Variants in PELO observed in about 807,000 individuals in gnomAD.
PELO encodes pelota mRNA surveillance and ribosome rescue factor.
PELO carries 19 observed loss-of-function variants against 25.9 expected under a neutral mutation model. The observed-to-expected ratio is 0.73, with a 90% CI of 0.51 to 1.08. PELO has a LOEUF of 1.08. Ranked by LOEUF, PELO falls within the 50% of genes least tolerant of loss-of-function variation. The pLI, the probability that PELO is intolerant of heterozygous loss-of-function variation, is 0.00. For synonymous variants in PELO, 196 were observed against 192.2 expected, an observed-to-expected ratio of 1.02 and a Z score of -0.16; for missense variants, 498 against 491.4, an observed-to-expected ratio of 1.01 and a Z score of -0.13.
intron 1 of PELO, among the ~76,000 whole-genome samples, chr5:52,798,311 A>G (rs1187214244): frequency 6.6e-6 from 1 of 152,126 alleles, no homozygotes; most frequent in Non-Finnish European, 1.5e-5. Flanking sequence ...CGAGAAACAA[A>G]GAGAAAAGAG....
chr5:52,790,340 C>T (rs1236194022), intron 1 of PELO, among the ~76,000 whole-genome samples: 3 of 152,222 alleles, frequency 2.0e-5, no homozygotes, highest in Non-Finnish European at 4.4e-5. Flanking sequence ...TCTCTATCTC[C>T]TACTACTCCT....
In PELO at chr5:52,800,639, G is replaced by C. The variant is rs1286068879; in HGVS notation, c.245G>C (p.Arg82Pro). 1 of 1,614,092 alleles carries C rather than the reference G, an allele frequency of 6.2e-7. No individual in the cohort carries two copies. The highest frequency in any genetic ancestry group is 8.5e-7 in the Non-Finnish European group (1 of 1,179,982). The change falls in exon 2 of 3, where the codon CGG becomes CCG. Residue 82 changes from arginine to proline, a missense_variant. Transcript: ENST00000274311. Reference sequence around the variant, plus strand: ...TTCGACTCTCAAGCCTGCCAGCTGCGGGTTAAGGGGACCAACATCCAAGAG... The same window carrying C: ...TTCGACTCTCAAGCCTGCCAGCTGCCGGTTAAGGGGACCAACATCCAAGAG... ...IDFDSQACQL[R>P]VKGTNIQENE...
chr5:52,801,115 C>G lies in PELO; in HGVS notation c.721C>G (p.Leu241Val). Residue 241 changes from leucine to valine, a missense_variant, in exon 2 of 3, where the codon CTT (leucine) becomes GTT (valine). Transcript: ENST00000274311. ...KLLLENRSKFLQVHASSGHKY... is the reference protein window; with the variant it reads ...KLLLENRSKFVQVHASSGHKY... ...GCTCCTGGAAAACCGGTCCAAATTT[C>G]TTCAGGTAAAACAATCTTACCCAGG... The G allele has an allele frequency of 6.3e-7, 1 of 1,598,508 alleles. No homozygotes were observed. The highest frequency in any genetic ancestry group is 8.5e-7 in the Non-Finnish European group (1 of 1,171,194).
Position 52,801,959 on chromosome 5 carries a change from T to G in PELO, c.*119T>G. On this transcript the variant is annotated 3_prime_UTR_variant, in exon 3 of 3. Transcript: ENST00000274311. ...ACTTTTTGATTCATACAGGGATTTC[T>G]TATGTCTTTGGCTACACTAGATATT... The G allele has an allele frequency of 1.4e-6, 1 of 701,128 alleles. No individual in the cohort carries two copies. Among genetic ancestry groups the G allele is most frequent in the South Asian group, 2.0e-5 (1 of 50,216 alleles). 43.4% of individuals were successfully genotyped at this position (701,128 alleles called of 1,614,324 possible). A position where few individuals can be genotyped will look rare whatever the true frequency, so the allele number is the denominator to read the frequency against.
In PELO at chr5:52,801,756, GTTGA is replaced by G. The variant is rs1561212434; in HGVS notation, c.1075_1078del (p.Thr360GlyfsTer2). On this transcript the variant is annotated frameshift_variant, in exon 3 of 3. Transcript: ENST00000274311. LOFTEE classifies it high-confidence loss of function. ...ACGTTTCTGGGGAACAGCTCAGCCA[GTTGA>G]CTGGGGTAGCTGCCATTCTCCGCTT... 6.2e-7 allele frequency: 1 copy of G among 1,614,024 alleles called. No homozygotes were observed. The highest frequency in any genetic ancestry group is 8.5e-7 in the Non-Finnish European group (1 of 1,179,996).
chr5:52,795,022 A>G (rs1748314261), intron 1 of PELO, among the ~76,000 whole-genome samples: 1 of 152,038 alleles, frequency 6.6e-6, no homozygotes, highest in Non-Finnish European at 1.5e-5. Flanking sequence ...GCTTATACAA[A>G]CTTACCTTAA....
At chr5:52,792,420 TG>T (rs1469468735) in intron 1 of PELO, among the ~76,000 whole-genome samples, 2 of 152,210 alleles carry the variant, frequency 1.3e-5, no homozygotes, top group African/African-American at 4.8e-5. Context: ...ACGGGATTTT[TG>T]TTTGTTTAGT....
intron 1 of PELO, among the ~76,000 whole-genome samples, chr5:52,794,804 T>G (rs563471603): frequency 2.9e-4 from 44 of 152,108 alleles, no homozygotes; most frequent in African/African-American, 1.0e-3. Context: ...GCACATTCTC[T>G]CTAAATAAAC....
At position 52,801,041 on chromosome 5, in the gene PELO, A is replaced by G. The variant is rs1236645916; in HGVS notation, c.647A>G (p.Gln216Arg). Residue 216 changes from glutamine to arginine, a missense_variant, in exon 2 of 3, where the codon CAG becomes CGG. Gln to Arg is a conservative substitution (Grantham distance 43, BLOSUM62 1). Transcript: ENST00000274311. ...GCCAGCCCAGGATTTGTGAGGGAGC[A>G]GTTCTGCGACTACCTGTTTCAACAA... ...LVASPGFVRE[Q>R]FCDYLFQQAV... 3 of 1,614,104 alleles carry G rather than the reference A, an allele frequency of 1.9e-6. No homozygotes were observed. The highest frequency in any genetic ancestry group is 2.5e-6 in the Non-Finnish European group (3 of 1,179,974).
chr5:52,800,734 A>G lies in PELO; in HGVS notation c.340A>G (p.Lys114Glu). The G allele has an allele frequency of 6.2e-7, 1 of 1,614,236 alleles. No homozygotes were observed. Among genetic ancestry groups the G allele is most frequent in the East Asian group, 2.2e-5 (1 of 44,880 alleles). Residue 114 changes from lysine (K) to glutamate (E), a missense_variant, in exon 2 of 3, where the codon AAG (lysine) becomes GAG (glutamate). Lys to Glu is a moderately conservative substitution (Grantham distance 56). Transcript: ENST00000274311. ...LEPNRQFTLA[K>E]KQWDSVVLER... is the part of the protein sequence containing the mutation. Reference sequence around the variant, plus strand: ...GCCCAACCGCCAGTTCACCCTGGCCAAGAAGCAGTGGGATAGTGTGGTACT... The same window carrying G: ...GCCCAACCGCCAGTTCACCCTGGCCGAGAAGCAGTGGGATAGTGTGGTACT...
intron 1 of PELO, among the ~76,000 whole-genome samples, chr5:52,794,338 T>C (rs1748298028): frequency 6.6e-6 from 1 of 151,976 alleles, no homozygotes; most frequent in South Asian, 2.1e-4. Flanking sequence ...TAAATGTACT[T>C]TCAAAATTAT....
chr5:52,797,138 G>A (rs1010539862), intron 1 of PELO, among the ~76,000 whole-genome samples: 2 of 151,542 alleles, frequency 1.3e-5, no homozygotes, highest in Admixed American at 6.6e-5. Context: ...ACAAAATCTG[G>A]GTGAAAACAT....
intron 1 of PELO, among the ~76,000 whole-genome samples, chr5:52,795,488 A>T (rs999332435): frequency 6.6e-6 from 1 of 152,062 alleles, no homozygotes; most frequent in Admixed American, 6.5e-5. Context: ...TTCATGTCAT[A>T]CAAACCATTT....
rs117834432 is a variant in PELO, at chr5:52,790,585, G to A, written c.-511+2171G>A. 1.3e-3 allele frequency among the ~76,000 whole-genome samples: 204 copies of A among 152,216 alleles called. No individual in the cohort carries two copies. The East Asian group carries it at 0.02, about 15-fold the overall frequency. On this transcript the variant is annotated intron_variant, in intron 1 of 2. Coordinates refer to ENST00000274311, the MANE Select transcript of PELO (RefSeq NM_015946.5). ...GTGGCCCCTTTCTCCATCTTCAACC[G>A]AGCAGGGTAGAATCTTCAGATCTTC... is the stretch of plus-strand genomic sequence containing the variant.
chr5:52,794,387 C>A (rs1355355733), intron 1 of PELO, among the ~76,000 whole-genome samples: 3 of 151,650 alleles, frequency 2.0e-5, no homozygotes, highest in African/African-American at 7.3e-5. Flanking sequence ...ATACTAAAGT[C>A]TAGAAATACA....
intron 1 of PELO, among the ~76,000 whole-genome samples, chr5:52,794,500 T>C (rs867415920): frequency 9.9e-5 from 14 of 141,914 alleles, no homozygotes; most frequent in African/African-American, 3.4e-4. Context: ...CAAATAGAAA[T>C]ACACACACAC....
chr5:52,803,141 G>A lies in PELO; in HGVS notation c.*1301G>A, dbSNP rs1035368716. 2 of 152,160 alleles carry A rather than the reference G, an allele frequency of 1.3e-5. No individual in the cohort carries two copies. Among genetic ancestry groups the A allele is most frequent in the South Asian group, 4.1e-4 (2 of 4,824 alleles). The allele number at this position is 152,160 out of a possible 1,614,324, so 9.4% of individuals were successfully genotyped here. A position where few individuals can be genotyped will look rare whatever the true frequency, so the allele number is the denominator to read the frequency against. ...ACTTTCGCCGGTCTTTCCTGTGTCTGTGGGCCTTCCTCCTGGTGTGACAGA... is the reference window on the plus strand; with the variant it reads ...ACTTTCGCCGGTCTTTCCTGTGTCTATGGGCCTTCCTCCTGGTGTGACAGA... On this transcript the variant is annotated 3_prime_UTR_variant, in exon 3 of 3. Coordinates refer to ENST00000274311, the MANE Select transcript of PELO (RefSeq NM_015946.5).
At position 52,788,237 on chromosome 5, in the gene PELO, G is replaced by T; in HGVS notation, c.-688G>T. On this transcript the variant is annotated 5_prime_UTR_variant, in exon 1 of 3. Transcript: ENST00000274311. ...GCTCCTGGGCGCCGCTGCCACTGGG[G>T]CAGAGGACTGGGAACCGCGGCAGCG... The T allele has an allele frequency of 1.4e-6, 1 of 726,194 alleles. No individual in the cohort carries two copies. Among genetic ancestry groups the T allele is most frequent in the Non-Finnish European group, 2.1e-6 (1 of 485,776 alleles). The allele number at this position is 726,194 out of a possible 1,614,324, so 45.0% of individuals were successfully genotyped here. A position where few individuals can be genotyped will look rare whatever the true frequency, so the allele number is the denominator to read the frequency against.
chr5:52,799,671 T>C (rs1344238875), intron 1 of PELO, among the ~76,000 whole-genome samples: 2 of 152,194 alleles, frequency 1.3e-5, no homozygotes, highest in African/African-American at 2.4e-5. Context: ...CGCTTCTAAA[T>C]ACCAGCTCCA....
Sources: gnomAD v4.1 joint callset for allele counts (sites outside exome capture counted in the v4.1 genomes callset) on GRCh38, gnomAD v4.1.1 for gene constraint, MANE v1.5 for transcripts, NCBI Gene and HGNC (gene_info 2026-07-23, HGNC 2026-07-21) for gene names.